Variants in CWC25 observed in about 807,000 individuals in gnomAD.
CWC25 encodes the protein pre-mRNA-splicing factor CWC25 homolog.
In CWC25, 31 loss-of-function variants were observed where a neutral mutation model predicts 54.6. The ratio of observed to expected loss-of-function variants is 0.57; its 90% confidence interval spans 0.43 to 0.77. The LOEUF (loss-of-function observed/expected upper bound fraction) is 0.77, where lower values mean the gene tolerates loss of function less well. Among genes scored for constraint, CWC25 ranks in the 30% least tolerant of loss-of-function variants. CWC25 has a pLI of 0.00. For synonymous variants in CWC25, 151 were observed against 187.0 expected, an observed-to-expected ratio of 0.81 and a Z score of 1.57; for missense variants, 453 against 529.3, an observed-to-expected ratio of 0.86 and a Z score of 1.41.
intron 5 of CWC25, 149 bp downstream of exon 5, chr17:38,810,319 G>A: frequency 3.9e-6 from 3 of 773,136 alleles, no homozygotes; most frequent in Non-Finnish European, 6.0e-6. Flanking sequence ...GGCAAGCTCT[G>A]TGGGCACTGG....
At chr17:38,813,947 C>T (rs1911593022) in intron 3 of CWC25, among the ~76,000 whole-genome samples, 1 of 152,102 alleles carries the variant, frequency 6.6e-6, no homozygotes, top group South Asian at 2.1e-4. Context: ...CTGCAAACTC[C>T]TCCTCCCGGG....
At chr17:38,818,482 C>A (rs1315093157) in intron 2 of CWC25, among the ~76,000 whole-genome samples, 6 of 146,492 alleles carry the variant, frequency 4.1e-5, no homozygotes, top group African/African-American at 1.5e-4. Context: ...GTCCCAGCTA[C>A]TCAGGAGGCT....
At chr17:38,808,989 G>C (rs1911369772) in intron 6 of CWC25, among the ~76,000 whole-genome samples, 1 of 150,586 alleles carries the variant, frequency 6.6e-6, no homozygotes, top group Admixed American at 6.6e-5. Context: ...AGTCAAGCCA[G>C]GTGCCTTGAA....
chr17:38,821,095 T>A, intron 1 of CWC25, 22 bp from the exon 2 acceptor site: 1 of 1,604,594 alleles, frequency 6.2e-7, no homozygotes, highest in Non-Finnish European at 8.5e-7. Flanking sequence ...AAAAAGAAGG[T>A]GATGATAATT....
chr17:38,820,068 G>A (rs1203364265), intron 2 of CWC25, among the ~76,000 whole-genome samples: 3 of 152,116 alleles, frequency 2.0e-5, no homozygotes, highest in Non-Finnish European at 4.4e-5. Context: ...CTCCCAAAGT[G>A]CTGGGATTAT....
At chr17:38,803,747 A>G (rs1911119052) in intron 8 of CWC25, among the ~76,000 whole-genome samples, 1 of 151,400 alleles carries the variant, frequency 6.6e-6, no homozygotes, top group South Asian at 2.1e-4. Flanking sequence ...AAAAAAAAAC[A>G]AAAACGATTG....
chr17:38,813,542 T>C (rs1353468107), intron 3 of CWC25, among the ~76,000 whole-genome samples: 3 of 134,294 alleles, frequency 2.2e-5, no homozygotes, highest in African/African-American at 3.2e-5. Flanking sequence ...ATATAAGAGA[T>C]TGTCTCAAAA....
chr17:38,815,839 C>T (rs1267591771), intron 2 of CWC25: 3 of 350,888 alleles, frequency 8.5e-6, no homozygotes, highest in Non-Finnish European at 1.6e-5. Context: ...CATCTTGGTG[C>T]TTGTGGGCAC....
intron 8 of CWC25, among the ~76,000 whole-genome samples, chr17:38,805,852 G>A (rs192426519): frequency 5.8e-4 from 87 of 150,702 alleles, no homozygotes; most frequent in African/African-American, 2.1e-3. Context: ...TTGCACTGTC[G>A]CCTGGGCTGC....
At chr17:38,809,437 A>AAC (rs1555547912) in intron 6 of CWC25, among the ~76,000 whole-genome samples, 3 of 151,940 alleles carry the variant, frequency 2.0e-5, no homozygotes, top group Non-Finnish European at 4.4e-5. Flanking sequence ...AAAAAAAAAA[A>AAC]AAAACAAAAA....
At chr17:38,817,972 T>A (rs573000921) in intron 2 of CWC25, among the ~76,000 whole-genome samples, 19 of 149,736 alleles carry the variant, frequency 1.3e-4, no homozygotes, top group Admixed American at 2.7e-4. Flanking sequence ...ACTCAAAAAA[T>A]AATAATAATA....
chr17:38,802,541 C>T (rs886889413), intron 9 of CWC25, among the ~76,000 whole-genome samples, 159 bp downstream of exon 9: 1 of 152,186 alleles, frequency 6.6e-6, no homozygotes, highest in Non-Finnish European at 1.5e-5. Context: ...AAATGAAAAA[C>T]ATCCCACTGT....
chr17:38,802,210 G>A lies in CWC25; in HGVS notation c.1164-4C>T. On this transcript the variant is annotated splice_polypyrimidine_tract_variant and splice_region_variant and intron_variant, in intron 9 of 9. Coordinates refer to ENST00000614790, the MANE Select transcript of CWC25 (RefSeq NM_017748.5). ...TGCACTCTCCAGCTTCATGCGGCTA[G>A]GAAGAGAAGACAGGCAAATGCAAGT... The A allele has an allele frequency of 6.2e-7, 1 of 1,601,192 alleles. No individual in the cohort carries two copies. The highest frequency in any genetic ancestry group is 8.5e-7 in the Non-Finnish European group (1 of 1,170,522).
At chr17:38,823,488 G>C (rs181644709) in intron 1 of CWC25, among the ~76,000 whole-genome samples, 199 of 151,550 alleles carry the variant, frequency 1.3e-3, no homozygotes, top group African/African-American at 3.3e-3. Flanking sequence ...AAAAAGAAAA[G>C]AGAATGGACT....
chr17:38,814,745 CAAAAAAAAAA>C (rs71138658), intron 3 of CWC25, 106 bp downstream of exon 3: 8 of 465,910 alleles, frequency 1.7e-5, no homozygotes, highest in East Asian at 3.7e-5. Context: ...GACTCCGTCT[CAAAAAAAAAA>C]AAAAAAAAAA....
At position 38,802,029 on chromosome 17, in the gene CWC25, GAATT is replaced by G. The variant is rs756328938; in HGVS notation, c.*59_*62del. 25 of 1,022,204 alleles carry G rather than the reference GAATT, an allele frequency of 2.4e-5. No individual in the cohort carries two copies. Among genetic ancestry groups the G allele is most frequent in the Non-Finnish European group, 3.6e-5 (24 of 664,036 alleles). 63.3% of individuals were successfully genotyped at this position (1,022,204 alleles called of 1,614,324 possible). On this transcript the variant is annotated 3_prime_UTR_variant, in exon 10 of 10. Coordinates refer to ENST00000614790, the MANE Select transcript of CWC25 (RefSeq NM_017748.5). ...GAAGTCATTTGAACTCTTATAAAGA[GAATT>G]AAGGGGTCAGCAGCTTCCCTGGAAA...
rs995261247 is a variant in CWC25 at position 38,810,580 on chromosome 17, C to T, written c.514G>A (p.Glu172Lys). The change falls in exon 5 of 10, where the codon GAA becomes AAA. Residue 172 changes from glutamate to lysine, a missense_variant. This residue lies in a region of CWC25 where 444 missense variants were observed against 499.2 expected (regional missense o/e 0.89). Coordinates refer to ENST00000614790, the MANE Select transcript of CWC25 (RefSeq NM_017748.5). ...TTCTTTTTCTTCTTCTCCTTTTTTT[C>T]CAGACTCATTTGCAACTGGAAAATG... ...KIKELLQMSLEKKEKKKKKEK... is the reference protein window; with the variant it reads ...KIKELLQMSLKKKEKKKKKEK... 129 of 1,509,416 alleles carry T rather than the reference C, an allele frequency of 8.5e-5. No individual in the cohort carries two copies. The highest frequency in any genetic ancestry group is 1.1e-4 in the Non-Finnish European group (124 of 1,105,262). The allele number at this position is 1,509,416 out of a possible 1,614,324, so 93.5% of individuals were successfully genotyped here.
intron 4 of CWC25, among the ~76,000 whole-genome samples, chr17:38,812,306 C>T (rs1444339218): frequency 6.6e-6 from 1 of 152,146 alleles, no homozygotes; most frequent in African/African-American, 2.4e-5. Context: ...TAATGCTTTC[C>T]ACAGGCTTAG....
At chr17:38,813,332 T>A (rs1390343705) in intron 3 of CWC25, among the ~76,000 whole-genome samples, 2 of 150,936 alleles carry the variant, frequency 1.3e-5, no homozygotes, top group African/African-American at 4.9e-5. Context: ...TAGCCGGGCA[T>A]GGTAGCAGCA....
Sources: allele counts gnomAD v4.1 joint callset (sites outside exome capture counted in the v4.1 genomes callset), GRCh38; gene constraint gnomAD v4.1.1; regional missense constraint gnomAD v4.1.1; transcripts MANE v1.5; gene names NCBI Gene and HGNC (gene_info 2026-07-23, HGNC 2026-07-21).